BCAS3: variants seen among roughly 807,000 people sequenced by gnomAD.
BCAS3 encodes BCAS3 microtubule associated cell migration factor, also known as BCAS4/BCAS3 fusion.
A neutral mutation model predicts 116.1 loss-of-function variants in BCAS3; 53 were observed. The ratio of observed to expected loss-of-function variants is 0.46; its 90% confidence interval spans 0.37 to 0.57. BCAS3 has a LOEUF of 0.57. Among genes scored for constraint, BCAS3 ranks in the 20% least tolerant of loss-of-function variants. BCAS3 has a pLI of 0.00. For missense variants in BCAS3, 917 were observed against 1,165.4 expected, an observed-to-expected ratio of 0.79 and a Z score of 3.10; for synonymous variants, 391 against 408.2, an observed-to-expected ratio of 0.96 and a Z score of 0.51.
chr17:60,793,631 A>G (rs1157879603), intron 6 of BCAS3, among the ~76,000 whole-genome samples: 1 of 152,106 alleles, frequency 6.6e-6, no homozygotes, highest in Non-Finnish European at 1.5e-5. Context: ...TAGCTCCCAC[A>G]TATTAGTGAG....
chr17:61,340,103 G>A (rs542863095), intron 22 of BCAS3, among the ~76,000 whole-genome samples: 2 of 152,296 alleles, frequency 1.3e-5, no homozygotes, highest in East Asian at 3.9e-4. Flanking sequence ...AGGGAGGAAA[G>A]CAGTTGTAGA....
intron 22 of BCAS3, among the ~76,000 whole-genome samples, chr17:61,120,836 G>A (rs558260063): frequency 6.6e-6 from 1 of 151,982 alleles, no homozygotes; most frequent in African/African-American, 2.4e-5. Flanking sequence ...TTTCACATAA[G>A]ACTTATACAT....
At chr17:61,170,450 G>A (rs1353041131) in intron 22 of BCAS3, among the ~76,000 whole-genome samples, 12 of 151,820 alleles carry the variant, frequency 7.9e-5, no homozygotes, top group Admixed American at 7.2e-4. Context: ...CCACCACCAC[G>A]CCCGGCTAAT....
Position 60,937,388 on chromosome 17 carries a change from A to T in BCAS3, c.1088-9831A>T, listed in dbSNP as rs1167713738. On this transcript the variant is annotated intron_variant, in intron 13 of 23. Transcript: ENST00000407086. ...TTTTCCCTTTCTCCATTCACTCCAT[A>T]TAAAGCCAACAAGTTTATCTTGTCC... Among the ~76,000 whole-genome samples the T allele has an allele frequency of 7.2e-5, 11 of 151,998 alleles. 1 individual carries two copies.
chr17:61,336,028 A>G (rs1273337271), intron 22 of BCAS3, among the ~76,000 whole-genome samples: 1 of 152,156 alleles, frequency 6.6e-6, no homozygotes, highest in Non-Finnish European at 1.5e-5. Context: ...CATACTTTTC[A>G]GATACAGGGC....
In BCAS3 at chr17:60,709,296, A is replaced by C. The variant is rs773552597; in HGVS notation, c.292A>C (p.Ser98Arg). 23 of 1,600,308 alleles carry C rather than the reference A, an allele frequency of 1.4e-5. No homozygotes were observed. The East Asian group carries it at 5.1e-4, about 36-fold the overall frequency. Residue 98 changes from serine to arginine, a missense_variant, in exon 5 of 24, where the codon AGT becomes CGT. This residue lies in a region of BCAS3 where 807 missense variants were observed against 1,026.0 expected (regional missense o/e 0.79). Coordinates refer to ENST00000407086, the MANE Select transcript of BCAS3 (RefSeq NM_017679.5). ...GCCTTTGTTGATTATGATTGGCTAC[A>C]GTGATGGAATGCAGGTCTGGAGCAT... ...EPPLLIMIGYSDGMQVWSIPI... is the reference protein window; with the variant it reads ...EPPLLIMIGYRDGMQVWSIPI...
chr17:61,206,630 G>A lies in BCAS3; in HGVS notation c.2425+122066G>A, dbSNP rs192460853. On this transcript the variant is annotated intron_variant, in intron 22 of 23. Coordinates refer to ENST00000407086, the MANE Select transcript of BCAS3 (RefSeq NM_017679.5). ...GCCTGATCAACGTGGTGAAACCCCC[G>A]TCTCTACTAAACTTACAGAAATTAG... Among the ~76,000 whole-genome samples, 12 of 151,648 alleles carry A rather than the reference G, an allele frequency of 7.9e-5. No homozygotes were observed. The East Asian group carries it at 1.2e-3, about 15-fold the overall frequency.
In BCAS3 at chr17:61,259,330, G is replaced by A. The variant is rs1458323068; in HGVS notation, c.2426-108997G>A. Reference sequence around the variant, plus strand: ...CAGAATTTGAGAACACTGAAATTCAGCCAGATAGTGACCCAGGGTTATGGT... The same window carrying A: ...CAGAATTTGAGAACACTGAAATTCAACCAGATAGTGACCCAGGGTTATGGT... On this transcript the variant is annotated intron_variant, in intron 22 of 23. Coordinates refer to ENST00000407086, the MANE Select transcript of BCAS3 (RefSeq NM_017679.5). This position sits in a 1 kb window ranked among gnomAD's most constrained non-coding sequence, Gnocchi z 4.7. Among the ~76,000 whole-genome samples the A allele has an allele frequency of 2.6e-5, 4 of 152,180 alleles. No individual in the cohort carries two copies. The highest frequency in any genetic ancestry group is 5.9e-5 in the Non-Finnish European group (4 of 68,034).
rs138663451 is a variant in BCAS3, at chr17:60,683,505, C to CTTTTTTTTTTT, written c.84-448_84-438dup. On this transcript the variant is annotated intron_variant, in intron 2 of 23. Transcript: ENST00000407086. ...GAAATATCAGGTGATAAGAGTTAGC[C>CTTTTTTTTTTT]TTTTTTTTTTTTTTTTTTTTTTTTT... Among the ~76,000 whole-genome samples the CTTTTTTTTTTT allele has an allele frequency of 2.7e-4, 12 of 44,490 alleles. 3 individuals are homozygous for CTTTTTTTTTTT. Among genetic ancestry groups the CTTTTTTTTTTT allele is most frequent in the Non-Finnish European group, 4.4e-4 (10 of 22,954 alleles). The allele number at this position is 44,490 out of a possible 152,430, so 29.2% of individuals were successfully genotyped here.
intron 7 of BCAS3, among the ~76,000 whole-genome samples, chr17:60,842,236 G>C (rs1373939681): frequency 6.6e-6 from 1 of 152,010 alleles, no homozygotes; most frequent in Non-Finnish European, 1.5e-5. Flanking sequence ...TCCTACCACT[G>C]CTTTAACCAG....
chr17:61,001,010 C>T (rs2064200051), intron 15 of BCAS3, among the ~76,000 whole-genome samples: 1 of 152,126 alleles, frequency 6.6e-6, no homozygotes, highest in Non-Finnish European at 1.5e-5. Context: ...TTGTTTTCTT[C>T]CTGCAATTTC....
chr17:60,700,998 C>A (rs1014868122), intron 4 of BCAS3, among the ~76,000 whole-genome samples: 10 of 151,782 alleles, frequency 6.6e-5, no homozygotes, highest in Non-Finnish European at 1.5e-5. Context: ...AATCCCAGCA[C>A]TTTGGGAGGC....
At chr17:60,859,520 C>G (rs985286745) in intron 7 of BCAS3, among the ~76,000 whole-genome samples, 3 of 151,704 alleles carry the variant, frequency 2.0e-5, no homozygotes, top group Non-Finnish European at 4.4e-5. Context: ...GCAAAGGACA[C>G]GATTTTGTTC....
Position 61,104,807 on chromosome 17 carries a change from T to C in BCAS3, c.2425+20243T>C, listed in dbSNP as rs920375915. Among the ~76,000 whole-genome samples the C allele has an allele frequency of 1.3e-5, 2 of 152,248 alleles. No individual in the cohort carries two copies. The highest frequency in any genetic ancestry group is 4.8e-5 in the African/African-American group (2 of 41,462). ...TCAGCAGAGTAACTTTGCCCAGCCCTGGAGCAGAACATTCTTAAAAGTAAG... is the reference window on the plus strand; with the variant it reads ...TCAGCAGAGTAACTTTGCCCAGCCCCGGAGCAGAACATTCTTAAAAGTAAG... On this transcript the variant is annotated intron_variant, in intron 22 of 23. Transcript: ENST00000407086. This position sits in a 1 kb window ranked among gnomAD's most constrained non-coding sequence, Gnocchi z 4.1.
chr17:61,218,565 C>G (rs1217723972), intron 22 of BCAS3, among the ~76,000 whole-genome samples: 3 of 152,178 alleles, frequency 2.0e-5, no homozygotes. Context: ...TGGATCTGCA[C>G]AGTTGCCTGC....
At chr17:61,264,358 T>C (rs2049485614) in intron 22 of BCAS3, among the ~76,000 whole-genome samples, 2 of 151,466 alleles carry the variant, frequency 1.3e-5, no homozygotes, top group South Asian at 2.1e-4. Flanking sequence ...ATTCATTGTA[T>C]AGCAGTAAGA....
At chr17:61,374,884 G>C (rs2059256763) in intron 23 of BCAS3, among the ~76,000 whole-genome samples, 1 of 152,170 alleles carries the variant, frequency 6.6e-6, no homozygotes, top group East Asian at 1.9e-4. Context: ...ACCCACTAAA[G>C]TGATTTCACA....
intron 22 of BCAS3, among the ~76,000 whole-genome samples, chr17:61,242,928 G>A (rs1052999256): frequency 3.4e-5 from 5 of 148,710 alleles, no homozygotes; most frequent in Non-Finnish European, 7.4e-5. Flanking sequence ...TTTTTGAGAC[G>A]GAGTCTTGCT....
chr17:60,712,237 G>A (rs565185577), intron 5 of BCAS3, among the ~76,000 whole-genome samples: 98 of 151,622 alleles, frequency 6.5e-4, no homozygotes, highest in Admixed American at 3.0e-3. Context: ...TTAACCAGGC[G>A]TAGTGGCATG....
Sources: gnomAD v4.1 joint callset for allele counts (sites outside exome capture counted in the v4.1 genomes callset) on GRCh38, gnomAD v4.1.1 for gene constraint, gnomAD v4.1.1 regional missense constraint, Gnocchi (gnomAD v3.1) non-coding constraint, MANE v1.5 for transcripts, NCBI Gene and HGNC (gene_info 2026-07-23, HGNC 2026-07-21) for gene names.